NRXN3: variants seen among roughly 807,000 people sequenced by gnomAD.
The protein encoded by NRXN3 is neurexin 3.
Under a neutral mutation model 137.6 loss-of-function variants are expected in NRXN3, and 32 were observed. That is an observed-to-expected ratio of 0.23 (90% CI 0.18 to 0.31). The LOEUF (loss-of-function observed/expected upper bound fraction) is 0.31. Ranked by LOEUF, NRXN3 falls within the 10% of genes least tolerant of loss-of-function variation. The pLI is 1.00. For synonymous variants in NRXN3, 798 were observed against 784.5 expected, an observed-to-expected ratio of 1.02 and a Z score of -0.29; for missense variants, 1,574 against 2,062.5, an observed-to-expected ratio of 0.76 and a Z score of 4.59.
At chr14:79,689,536 G>T (rs1238180572) in intron 17 of NRXN3, among the ~76,000 whole-genome samples, 1 of 152,038 alleles carries the variant, frequency 6.6e-6, no homozygotes, top group Admixed American at 6.6e-5. Context: ...TTAACAGCAT[G>T]CAAGATTGCT....
intron 15 of NRXN3, among the ~76,000 whole-genome samples, chr14:79,015,975 C>G (rs1261889956): frequency 6.6e-6 from 1 of 152,126 alleles, no homozygotes; most frequent in Non-Finnish European, 1.5e-5. Flanking sequence ...AGTGCCTTCC[C>G]AGTGTGTAGG....
At chr14:79,012,655 A>G (rs1008626435) in intron 15 of NRXN3, among the ~76,000 whole-genome samples, 5 of 152,158 alleles carry the variant, frequency 3.3e-5, no homozygotes, top group African/African-American at 1.2e-4. Flanking sequence ...ACTTTCCAGA[A>G]GACACAGGTG....
intron 15 of NRXN3, among the ~76,000 whole-genome samples, chr14:79,121,230 G>A (rs999310729): frequency 3.9e-5 from 6 of 152,190 alleles, no homozygotes; most frequent in East Asian, 1.9e-4. Flanking sequence ...TTTTCAAGGC[G>A]ACTGAGAGCA....
intron 9 of NRXN3, among the ~76,000 whole-genome samples, chr14:78,806,660 A>G (rs1488155753): frequency 2.0e-5 from 3 of 152,206 alleles, no homozygotes; most frequent in African/African-American, 7.2e-5. Flanking sequence ...CAATGGCTTT[A>G]TCTTCTGCAG....
chr14:79,739,648 C>CAAAAAAAAAAAAAAAAAAA (rs72347811), intron 19 of NRXN3, among the ~76,000 whole-genome samples: 1 of 31,818 alleles, frequency 3.1e-5, no homozygotes. Flanking sequence ...GACTCTGCCT[C>CAAAAAAAAAAAAAAAAAAA]AAAAAAAAAA....
At chr14:79,185,121 T>G (rs2063369390) in intron 15 of NRXN3, among the ~76,000 whole-genome samples, 1 of 152,244 alleles carries the variant, frequency 6.6e-6, no homozygotes, top group Admixed American at 6.5e-5. Context: ...AAGCTATTTT[T>G]TATTTCTAAT....
intron 4 of NRXN3, among the ~76,000 whole-genome samples, chr14:78,522,987 T>A (rs1425089352): frequency 1.3e-5 from 2 of 152,242 alleles, no homozygotes; most frequent in Non-Finnish European, 2.9e-5. Context: ...TTTTCTTTTA[T>A]CTTGGGTCTA....
At chr14:78,621,773 G>A (rs368304050) in intron 4 of NRXN3, among the ~76,000 whole-genome samples, 9 of 152,196 alleles carry the variant, frequency 5.9e-5, no homozygotes, top group Non-Finnish European at 1.0e-4. Flanking sequence ...TTGCATCTGC[G>A]GTTTGCTGTA....
At chr14:78,781,674 C>T (rs1444354379) in intron 8 of NRXN3, among the ~76,000 whole-genome samples, 1 of 152,082 alleles carries the variant, frequency 6.6e-6, no homozygotes, top group Non-Finnish European at 1.5e-5. Context: ...AATATCAAGG[C>T]TCAACTGTAG....
intron 16 of NRXN3, among the ~76,000 whole-genome samples, chr14:79,507,491 A>T (rs1022746321): frequency 2.7e-4 from 41 of 152,202 alleles, no homozygotes; most frequent in Admixed American, 1.3e-3. Flanking sequence ...CTGGGGTAAA[A>T]TTGTTTCTTT....
At chr14:79,141,951 C>A (rs937353718) in intron 15 of NRXN3, among the ~76,000 whole-genome samples, 1 of 152,164 alleles carries the variant, frequency 6.6e-6, no homozygotes, top group Non-Finnish European at 1.5e-5. Flanking sequence ...CAGCCACCAT[C>A]AGCTTCTATT....
intron 4 of NRXN3, among the ~76,000 whole-genome samples, chr14:78,583,252 G>C (rs948095529): frequency 1.3e-5 from 2 of 152,006 alleles, no homozygotes; most frequent in African/African-American, 4.8e-5. Context: ...CTAAATTTTA[G>C]GAAGAATAAG....
At chr14:78,990,727 A>G (rs935283808) in intron 15 of NRXN3, among the ~76,000 whole-genome samples, 4 of 152,180 alleles carry the variant, frequency 2.6e-5, no homozygotes, top group South Asian at 2.1e-4. Context: ...AAGTTTGAAT[A>G]TAAACTTTTA....
chr14:78,556,707 A>G (rs1010702618), intron 4 of NRXN3, among the ~76,000 whole-genome samples: 2 of 152,104 alleles, frequency 1.3e-5, no homozygotes, highest in African/African-American at 4.8e-5. Flanking sequence ...TGGTTGCACT[A>G]GAAAAAGGAA....
intron 15 of NRXN3, among the ~76,000 whole-genome samples, chr14:79,230,527 G>A (rs546431536): frequency 6.6e-6 from 1 of 152,268 alleles, no homozygotes; most frequent in South Asian, 2.1e-4. Flanking sequence ...CAGTGCCACA[G>A]GTTGAAACAA....
At chr14:78,768,874 C>T (rs2098717615) in intron 8 of NRXN3, among the ~76,000 whole-genome samples, 1 of 152,156 alleles carries the variant, frequency 6.6e-6, no homozygotes. Flanking sequence ...CATCTATTCA[C>T]CAAACTAGAA....
At position 78,401,351 on chromosome 14, in the gene NRXN3, G is replaced by A. The variant is rs536358062; in HGVS notation, c.757+103491G>A. On this transcript the variant is annotated intron_variant, in intron 4 of 20. Coordinates refer to ENST00000335750, the MANE Select transcript of NRXN3 (RefSeq NM_001330195.2). ...GACTAATTTTTGTATTTTTAGTAGAGACATGGTTTTGCCATATTGGCCAGG... is the reference window on the plus strand; with the variant it reads ...GACTAATTTTTGTATTTTTAGTAGAAACATGGTTTTGCCATATTGGCCAGG... Among the ~76,000 whole-genome samples, 12 of 152,256 alleles carry A rather than the reference G, an allele frequency of 7.9e-5. No homozygotes were observed. In the East Asian group the frequency reaches 2.1e-3, roughly 27 times the overall value.
intron 4 of NRXN3, chr14:78,403,851 T>C (rs1212560760): frequency 4.1e-6 from 4 of 985,266 alleles, no homozygotes; most frequent in Non-Finnish European, 4.8e-6. Context: ...CTTCCATTCC[T>C]GCAGTGAAAT....
chr14:78,982,932 T>C (rs932926877), intron 14 of NRXN3, among the ~76,000 whole-genome samples: 3 of 151,962 alleles, frequency 2.0e-5, no homozygotes, highest in Non-Finnish European at 2.9e-5. Context: ...CACAAACAAC[T>C]CAAAATAAGA....
Sources: allele counts gnomAD v4.1 joint callset (sites outside exome capture counted in the v4.1 genomes callset), GRCh38; gene constraint gnomAD v4.1.1; transcripts MANE v1.5; gene names NCBI Gene and HGNC (gene_info 2026-07-23, HGNC 2026-07-21).